Variants in ZNF827 observed in about 807,000 individuals in gnomAD.
The protein encoded by ZNF827 is zinc finger protein 827.
In ZNF827, 13 loss-of-function variants were observed where a neutral mutation model predicts 102.4. The observed-to-expected ratio is 0.13, with a 90% CI of 0.08 to 0.20. The LOEUF (loss-of-function observed/expected upper bound fraction) is 0.20. Ranked by LOEUF, ZNF827 falls within the 10% of genes least tolerant of loss-of-function variation. ZNF827 has a pLI of 1.00. For synonymous variants in ZNF827, 523 were observed against 536.2 expected (o/e 0.98, Z 0.34); for missense variants, 1,103 against 1,344.4 (o/e 0.82, Z 2.81).
chr4:145,859,673 C>T (rs1747515764), intron 5 of ZNF827, among the ~76,000 whole-genome samples: 2 of 152,168 alleles, frequency 1.3e-5, no homozygotes, highest in South Asian at 4.1e-4. Flanking sequence ...TTTTAATTTC[C>T]CTTCCTCTCT....
Position 145,885,707 on chromosome 4 carries a change from A to G in ZNF827, c.1718T>C (p.Met573Thr), listed in dbSNP as rs745813603. The G allele has an allele frequency of 2.6e-6, 4 of 1,541,690 alleles. No individual in the cohort carries two copies. The African/African-American group carries it at 5.5e-5, about 21-fold the overall frequency. ...ALFSQDISVK[M>T]ASDFLMKLSA... ...CAGCTTCATGAGAAAATCAGACGCCATCTTAACAGAGATGTCCTGGCTGAA... is the reference window on the plus strand; with the variant it reads ...CAGCTTCATGAGAAAATCAGACGCCGTCTTAACAGAGATGTCCTGGCTGAA... Residue 573 changes from methionine to threonine, a missense_variant, in exon 4 of 15, where the codon ATG becomes ACG. Physicochemically the swap from Met to Thr is moderately conservative, Grantham distance 81 (BLOSUM62 -1). Transcript: ENST00000508784.
chr4:145,906,526 C>A (rs1387301673), intron 1 of ZNF827, among the ~76,000 whole-genome samples: 7 of 152,194 alleles, frequency 4.6e-5, no homozygotes, highest in Admixed American at 3.9e-4. Context: ...CCCCTCCACA[C>A]CCTCAGTGAG....
chr4:145,789,411 A>G (rs1240554829), intron 8 of ZNF827, among the ~76,000 whole-genome samples: 1 of 152,250 alleles, frequency 6.6e-6, no homozygotes, highest in East Asian at 1.9e-4. Flanking sequence ...AGGAGACAGT[A>G]CATAATTAAA....
chr4:145,817,512 A>C (rs896585038), intron 8 of ZNF827, among the ~76,000 whole-genome samples: 6 of 152,180 alleles, frequency 3.9e-5, no homozygotes, highest in African/African-American at 1.4e-4. Context: ...GGAAGCAGGC[A>C]CATCTTATAT....
chr4:145,845,196 C>T (rs1266290156), intron 7 of ZNF827, among the ~76,000 whole-genome samples: 1 of 152,144 alleles, frequency 6.6e-6, no homozygotes, highest in Non-Finnish European at 1.5e-5. Flanking sequence ...AGCTCCTTTT[C>T]TGCAGTGGTG....
At chr4:145,867,720 T>C (rs1481816741) in intron 5 of ZNF827, among the ~76,000 whole-genome samples, 1 of 152,138 alleles carries the variant, frequency 6.6e-6, no homozygotes, top group Non-Finnish European at 1.5e-5. Flanking sequence ...CCCAAGCATA[T>C]GGGAAGACTA....
intron 5 of ZNF827, among the ~76,000 whole-genome samples, chr4:145,858,147 G>A (rs914648152): frequency 3.5e-5 from 5 of 142,896 alleles, no homozygotes; most frequent in Admixed American, 6.8e-5. Context: ...GTGTGTGTGT[G>A]TGTGTGTGTG....
intron 5 of ZNF827, 125 bp downstream of exon 5, chr4:145,870,120 T>C: frequency 4.4e-6 from 4 of 905,790 alleles, no homozygotes; most frequent in Non-Finnish European, 5.0e-6. Context: ...CTGATCGTTC[T>C]TTGAATTCAC....
chr4:145,772,088 A>G (rs141222878), intron 11 of ZNF827, among the ~76,000 whole-genome samples: 1 of 152,312 alleles, frequency 6.6e-6, no homozygotes, highest in East Asian at 1.9e-4. Flanking sequence ...TTCCACATAG[A>G]TTACAGAAAT....
intron 11 of ZNF827, among the ~76,000 whole-genome samples, chr4:145,772,006 C>G (rs1320214625): frequency 6.6e-6 from 1 of 152,192 alleles, no homozygotes; most frequent in African/African-American, 2.4e-5. Context: ...ATTCACAATA[C>G]TACTTATGGT....
chr4:145,781,869 A>G (rs910406908), intron 8 of ZNF827, among the ~76,000 whole-genome samples: 3 of 152,380 alleles, frequency 2.0e-5, no homozygotes, highest in Admixed American at 1.3e-4. Flanking sequence ...GAATGAATGA[A>G]TTGGGTCAAA....
chr4:145,773,326 T>G (rs557279003), intron 11 of ZNF827, among the ~76,000 whole-genome samples: 23 of 152,302 alleles, frequency 1.5e-4, no homozygotes, highest in African/African-American at 5.5e-4. Flanking sequence ...CTCCAAGTCA[T>G]AGCTGCTCAA....
intron 1 of ZNF827, among the ~76,000 whole-genome samples, chr4:145,905,156 T>C (rs1165030616): frequency 1.3e-5 from 2 of 152,248 alleles, no homozygotes; most frequent in Admixed American, 1.3e-4. Flanking sequence ...TGTATTTTAT[T>C]ATCTACATAT....
At chr4:145,777,296 A>G (rs1351614477) in intron 9 of ZNF827, among the ~76,000 whole-genome samples, 1 of 152,220 alleles carries the variant, frequency 6.6e-6, no homozygotes, top group African/African-American at 2.4e-5. Context: ...AAGGTTATGC[A>G]TCCTCCATAA....
intron 5 of ZNF827, among the ~76,000 whole-genome samples, chr4:145,861,053 A>G (rs886835362): frequency 6.6e-6 from 1 of 152,196 alleles, no homozygotes; most frequent in African/African-American, 2.4e-5. Flanking sequence ...GCCTCTTGGC[A>G]GCAGACAAGC....
intron 8 of ZNF827, among the ~76,000 whole-genome samples, chr4:145,787,377 C>T (rs906631586): frequency 2.7e-5 from 4 of 150,338 alleles, no homozygotes; most frequent in African/African-American, 7.4e-5. Flanking sequence ...GCAGGAGAAT[C>T]GCTTGAACCC....
chr4:145,877,488 T>G lies in ZNF827; in HGVS notation c.1748-7010A>C, dbSNP rs915001069. 4.6e-5 allele frequency among the ~76,000 whole-genome samples: 7 copies of G among 152,248 alleles called. No homozygotes were observed. The East Asian group carries it at 1.3e-3, about 29-fold the overall frequency. On this transcript the variant is annotated intron_variant, in intron 4 of 14. Transcript: ENST00000508784. ...ATGTTTAGAACATTTGCTAAATATT[T>G]TAAAATCTTGCTCTTTAATTTCCCT...
At chr4:145,899,050 G>C (rs563662595) in intron 2 of ZNF827, among the ~76,000 whole-genome samples, 1 of 151,812 alleles carries the variant, frequency 6.6e-6, no homozygotes. Flanking sequence ...TCTTGGGGGC[G>C]GTTATTATTT....
chr4:145,915,245 C>T (rs1418822781), intron 1 of ZNF827, among the ~76,000 whole-genome samples: 2 of 152,072 alleles, frequency 1.3e-5, no homozygotes, highest in East Asian at 3.9e-4. Context: ...GTTGGGCGTT[C>T]AAGACCAGCC....
Sources: gnomAD v4.1 joint callset for allele counts (sites outside exome capture counted in the v4.1 genomes callset) on GRCh38, gnomAD v4.1.1 for gene constraint, MANE v1.5 for transcripts, NCBI Gene and HGNC (gene_info 2026-07-23, HGNC 2026-07-21) for gene names.